KMT2C: variants seen among roughly 807,000 people sequenced by gnomAD.
The protein encoded by KMT2C is lysine methyltransferase 2C, also known as histone-lysine N-methyltransferase 2C.
KMT2C carries 88 observed loss-of-function variants against 507.9 expected under a neutral mutation model. The ratio of observed to expected loss-of-function variants is 0.17; its 90% CI spans 0.15 to 0.21. KMT2C has a LOEUF of 0.21. KMT2C is among the 10% of genes least tolerant of loss of function. KMT2C has a pLI of 1.00. For synonymous variants in KMT2C, 2,049 were observed against 2,080.8 expected (o/e 0.98, Z 0.42); for missense variants, 4,954 against 5,957.8 (o/e 0.83, Z 5.55).
intron 2 of KMT2C, among the ~76,000 whole-genome samples, chr7:152,335,278 T>A (rs928939054): frequency 6.6e-6 from 1 of 152,218 alleles, no homozygotes; most frequent in Non-Finnish European, 1.5e-5. Flanking sequence ...TTATCACATA[T>A]ATAAATACCT....
rs189118869 is a variant in KMT2C at position 152,421,508 on chromosome 7, G to A, written c.161+14118C>T. Among the ~76,000 whole-genome samples the A allele has an allele frequency of 1.9e-3, 288 of 152,160 alleles. 1 individual carries two copies. The highest frequency in any genetic ancestry group is 3.5e-3 in the Admixed American group (54 of 15,272). On this transcript the variant is annotated intron_variant, in intron 1 of 58. Transcript: ENST00000262189. ...ATCAACCTAACTGCCCATCAACAGCGGACTGGATAAAGAAAACATGGTACA... is the reference window on the plus strand; with the variant it reads ...ATCAACCTAACTGCCCATCAACAGCAGACTGGATAAAGAAAACATGGTACA...
chr7:152,387,563 C>A (rs1164691095), intron 1 of KMT2C, among the ~76,000 whole-genome samples: 7,756 of 94,898 alleles, frequency 0.082, no homozygotes, highest in Non-Finnish European at 0.11. Context: ...CTCTGCCTCC[C>A]GGGTTCACGC....
At position 152,284,803 on chromosome 7, in the gene KMT2C, T is replaced by C. The variant is rs542447941; in HGVS notation, c.850-10936A>G. Among the ~76,000 whole-genome samples, 323 of 152,102 alleles carry C rather than the reference T, an allele frequency of 2.1e-3. 1 individual carries two copies. Among genetic ancestry groups the C allele is most frequent in the Middle Eastern group, 0.01 (3 of 294 alleles). On this transcript the variant is annotated intron_variant, in intron 6 of 58. Transcript: ENST00000262189. ...GATACACAAATGGCAAAAAAAGACA[T>C]AAAAAGAGGCTCAATCTAATTAATC...
chr7:152,343,548 G>A (rs2097021397), intron 2 of KMT2C, among the ~76,000 whole-genome samples: 1 of 150,106 alleles, frequency 6.7e-6, no homozygotes, highest in Non-Finnish European at 1.5e-5. Flanking sequence ...AGAGGAAGAA[G>A]AAGAAATATT....
chr7:152,241,789 TC>T (rs1271698058), intron 14 of KMT2C, among the ~76,000 whole-genome samples: 9 of 152,352 alleles, frequency 5.9e-5, no homozygotes, highest in African/African-American at 2.2e-4. Context: ...TAGACAGTTC[TC>T]AAAAATATGA....
intron 2 of KMT2C, among the ~76,000 whole-genome samples, chr7:152,339,632 T>C (rs968744301): frequency 2.0e-5 from 3 of 152,186 alleles, no homozygotes; most frequent in African/African-American, 4.8e-5. Context: ...TACATCATAG[T>C]ACCAAAGGGG....
In KMT2C at chr7:152,384,554, C is replaced by A. The variant is rs200759469; in HGVS notation, c.162-25879G>T. ...ATTATCCCCCATGTGCATAACACCA[C>A]CACCACCACCACCACCACCACCACC... On this transcript the variant is annotated intron_variant, in intron 1 of 58. Coordinates refer to ENST00000262189, the MANE Select transcript of KMT2C (RefSeq NM_170606.3). 2.0e-4 allele frequency among the ~76,000 whole-genome samples: 14 copies of A among 68,884 alleles called. 1 individual carries two copies. The highest frequency in any genetic ancestry group is 4.8e-4 in the Non-Finnish European group (12 of 25,072). 45.2% of individuals were successfully genotyped at this position (68,884 alleles called of 152,430 possible).
At chr7:152,295,456 T>C (rs1439396482) in intron 6 of KMT2C, among the ~76,000 whole-genome samples, 1 of 152,214 alleles carries the variant, frequency 6.6e-6, no homozygotes, top group Non-Finnish European at 1.5e-5. Context: ...TTTCAAACCC[T>C]GTAAAGGGTG....
intron 9 of KMT2C, among the ~76,000 whole-genome samples, chr7:152,258,339 G>T (rs1399675522): frequency 1.3e-5 from 2 of 152,170 alleles, no homozygotes; most frequent in Admixed American, 1.3e-4. Flanking sequence ...GAGCTCATGA[G>T]TCAGTATTAA....
At chr7:152,286,082 C>A (rs2096291725) in intron 6 of KMT2C, among the ~76,000 whole-genome samples, 1 of 152,310 alleles carries the variant, frequency 6.6e-6, no homozygotes, top group Non-Finnish European at 1.5e-5. Context: ...ATTGGTCCAT[C>A]TCCTTGAAAA....
chr7:152,147,980 A>G, intron 52 of KMT2C, 53 bp downstream of exon 52: 2 of 1,483,220 alleles, frequency 1.3e-6, no homozygotes, highest in Non-Finnish European at 1.8e-6. Context: ...TACATTCATT[A>G]GCCTGACATC....
chr7:152,255,894 C>T (rs374978506), intron 9 of KMT2C, among the ~76,000 whole-genome samples: 7 of 152,166 alleles, frequency 4.6e-5, no homozygotes, highest in African/African-American at 1.7e-4. Flanking sequence ...GCAAGCCATA[C>T]ATGGTGGCTC....
intron 6 of KMT2C, among the ~76,000 whole-genome samples, chr7:152,305,846 G>A (rs1053310899): frequency 4.6e-5 from 7 of 152,158 alleles, no homozygotes; most frequent in South Asian, 4.1e-4. Flanking sequence ...CACCAGTCCC[G>A]TAAGGAACTA....
chr7:152,245,885 C>T (rs1278203510), intron 14 of KMT2C, among the ~76,000 whole-genome samples: 2 of 152,078 alleles, frequency 1.3e-5, no homozygotes. Context: ...CAAAAAATAG[C>T]TGGAAACCAA....
intron 1 of KMT2C, among the ~76,000 whole-genome samples, chr7:152,374,995 C>T (rs2097317404): frequency 6.6e-6 from 1 of 152,124 alleles, no homozygotes; most frequent in African/African-American, 2.4e-5. Flanking sequence ...AGAGGAATAT[C>T]CATTTTGCTT....
At chr7:152,366,779 G>A (rs917600340) in intron 1 of KMT2C, 1 of 206,814 alleles carries the variant, frequency 4.8e-6, no homozygotes, top group Admixed American at 6.0e-5. Flanking sequence ...CAGCCGCTGA[G>A]CTGCAGCCCT....
intron 1 of KMT2C, among the ~76,000 whole-genome samples, chr7:152,416,898 A>C (rs2097743652): frequency 6.6e-6 from 1 of 151,198 alleles, no homozygotes; most frequent in African/African-American, 2.4e-5. Flanking sequence ...AAAATCAAAA[A>C]ATTAGCCAGG....
rs2092548924 is a variant in KMT2C at position 152,163,206 on chromosome 7, G to A, written c.10371C>T (p.Asp3457=). 1.2e-6 allele frequency: 2 copies of A among 1,614,066 alleles called. No individual in the cohort carries two copies. The highest frequency in any genetic ancestry group is 1.3e-5 in the African/African-American group (1 of 74,924). The change falls in exon 43 of 59, where the codon GAC becomes GAT. Residue 3457 remains aspartate (D), a synonymous_variant. Coordinates refer to ENST00000262189, the MANE Select transcript of KMT2C (RefSeq NM_170606.3). ...GAGGTTGCATAAAATCACAAGGTAA[G>A]TCGGAACTGTAGAAGGGAATCTGGG... is the stretch of plus-strand genomic sequence containing the variant. ...SVSQIPFYSS[D]LPCDFMQPLG...
intron 2 of KMT2C, among the ~76,000 whole-genome samples, chr7:152,349,031 A>C (rs1365737489): frequency 6.6e-6 from 1 of 152,226 alleles, no homozygotes; most frequent in African/African-American, 2.4e-5. Context: ...AGCTTTCTTA[A>C]CTGCCAAAAC....
Sources: gnomAD v4.1 joint callset for allele counts (sites outside exome capture counted in the v4.1 genomes callset) on GRCh38, gnomAD v4.1.1 for gene constraint, MANE v1.5 for transcripts, NCBI Gene and HGNC (gene_info 2026-07-23, HGNC 2026-07-21) for gene names.